CLCN5: variants seen among roughly 807,000 people sequenced by gnomAD.
CLCN5 encodes H(+)/Cl(-) exchange transporter 5.
In CLCN5, 17 loss-of-function variants were observed where a neutral mutation model predicts 54.0. The observed-to-expected ratio is 0.31, with a 90% CI of 0.22 to 0.47. The LOEUF (loss-of-function observed/expected upper bound fraction) is 0.47, where lower values mean the gene tolerates loss of function less well. Ranked by LOEUF, CLCN5 falls within the 20% of genes least tolerant of loss-of-function variation. CLCN5 has a pLI of 1.00. For missense variants in CLCN5, 448 were observed against 646.7 expected, an observed-to-expected ratio of 0.69 and a Z score of 3.33; for synonymous variants, 222 against 233.0, an observed-to-expected ratio of 0.95 and a Z score of 0.43.
At chrX:50,076,091 A>G (rs1239672322) in intron 7 of CLCN5, 109 bp downstream of exon 7, 1 of 728,665 alleles carries the variant, frequency 1.4e-6, no homozygotes, top group Non-Finnish European at 2.1e-6. Context: ...TTTCCTTTCC[A>G]CAGAAAGGGG....
At chrX:50,054,275 C>G (rs1456536839) in intron 4 of CLCN5, among the ~76,000 whole-genome samples, 2 of 111,266 alleles carry the variant, frequency 1.8e-5, no homozygotes, top group African/African-American at 3.3e-5. Flanking sequence ...TGAGTATGTT[C>G]CCCTGCTTTA....
At chrX:50,043,454 C>T (rs782344557) in intron 4 of CLCN5, among the ~76,000 whole-genome samples, 50 of 112,107 alleles carry the variant, frequency 4.5e-4, no homozygotes, top group Non-Finnish European at 9.2e-4. Flanking sequence ...GCAGTGCTGA[C>T]ATTACCATTC....
At chrX:50,065,886 A>G (rs1442128197) in intron 4 of CLCN5, among the ~76,000 whole-genome samples, 3 of 100,494 alleles carry the variant, frequency 3.0e-5, no homozygotes, top group Non-Finnish European at 6.0e-5. Flanking sequence ...ATTGGAAACC[A>G]TCATTCTCAG....
chrX:49,995,938 C>T (rs1208427608), intron 3 of CLCN5, among the ~76,000 whole-genome samples: 1 of 111,629 alleles, frequency 9.0e-6, no homozygotes, highest in Non-Finnish European at 1.9e-5. Context: ...CCTTGTTATC[C>T]ACGTGGCATA....
At chrX:50,071,310 C>CATGTTT (rs1933211683) in intron 5 of CLCN5, among the ~76,000 whole-genome samples, 1 of 112,016 alleles carries the variant, frequency 8.9e-6, no homozygotes, top group African/African-American at 3.2e-5. Flanking sequence ...TAAAGCATTT[C>CATGTTT]ATGTTTTTTC....
chrX:50,070,581 G>A (rs1933187306), intron 5 of CLCN5, among the ~76,000 whole-genome samples: 1 of 111,979 alleles, frequency 8.9e-6, no homozygotes, highest in South Asian at 3.7e-4. Context: ...GTTTACTGAA[G>A]CATACAAAGT....
chrX:50,085,845 T>C, intron 9 of CLCN5, 135 bp from the exon 10 acceptor site: 1 of 566,249 alleles, frequency 1.8e-6, no homozygotes, highest in East Asian at 3.5e-5. Context: ...TGTTTGAATT[T>C]TGTTTTTGAT....
At chrX:50,032,315 A>G (rs1276257097) in intron 3 of CLCN5, among the ~76,000 whole-genome samples, 1 of 111,513 alleles carries the variant, frequency 9.0e-6, no homozygotes, top group Non-Finnish European at 1.9e-5. Flanking sequence ...ACAATGGTTG[A>G]ACTAGTTTAC....
Position 50,092,127 on chromosome X carries a change from A to G in CLCN5, c.2361-2A>G. On this transcript the variant is annotated splice_acceptor_variant, in intron 14 of 14. Transcript: ENST00000376091. LOFTEE classifies it high-confidence loss of function. ...TTTTTTTGTATTGTGTTTGTCTTTT[A>G]GGCGATTGCTTGGAATCATTACCAA... 1 of 1,191,958 alleles carries G rather than the reference A, an allele frequency of 8.4e-7. No individual in the cohort carries two copies. The highest frequency in any genetic ancestry group is 1.7e-5 in the African/African-American group (1 of 57,528).
chrX:50,016,968 T>C (rs942597948), intron 3 of CLCN5, among the ~76,000 whole-genome samples: 2 of 111,772 alleles, frequency 1.8e-5, no homozygotes, highest in South Asian at 7.5e-4. Context: ...CCAGCTTATT[T>C]CTTTTTATCA....
chrX:50,085,616 T>C, intron 9 of CLCN5: 1 of 250,486 alleles, frequency 4.0e-6, no homozygotes, highest in Non-Finnish European at 7.2e-6. Context: ...CAAAGTTCCA[T>C]ATAAATAAAT....
chrX:50,057,180 G>C (rs1932764569), intron 4 of CLCN5, among the ~76,000 whole-genome samples: 1 of 109,924 alleles, frequency 9.1e-6, no homozygotes. Flanking sequence ...TGGATCATGG[G>C]TAAGTTCAGG....
chrX:49,938,647 A>T (rs1926140902), intron 3 of CLCN5, among the ~76,000 whole-genome samples: 2 of 112,280 alleles, frequency 1.8e-5, no homozygotes, highest in South Asian at 7.4e-4. Flanking sequence ...TTCAAGATGG[A>T]TTAAAGACTT....
chrX:49,952,587 A>G (rs1927091625), intron 3 of CLCN5, among the ~76,000 whole-genome samples: 1 of 109,921 alleles, frequency 9.1e-6, no homozygotes, highest in Non-Finnish European at 1.9e-5. Flanking sequence ...CCTGCTCTCC[A>G]GAGGACACCT....
chrX:50,014,567 C>T (rs781942908), intron 3 of CLCN5: 72 of 336,506 alleles, frequency 2.1e-4, no homozygotes, highest in Admixed American at 2.1e-3. Flanking sequence ...TTCTCTGCTT[C>T]GAGCACGGCA....
chrX:50,052,749 T>C (rs1932625812), intron 4 of CLCN5, among the ~76,000 whole-genome samples: 1 of 111,788 alleles, frequency 8.9e-6, no homozygotes, highest in Non-Finnish European at 1.9e-5. Context: ...TGCAGGTCTA[T>C]TTTACAACAC....
At chrX:49,962,821 C>T (rs782464281) in intron 3 of CLCN5, among the ~76,000 whole-genome samples, 10 of 111,990 alleles carry the variant, frequency 8.9e-5, no homozygotes, top group Non-Finnish European at 1.5e-4. Context: ...AAAGCCCCCA[C>T]ACTCTTCTTG....
At chrX:50,062,891 C>G (rs1358039561) in intron 4 of CLCN5, among the ~76,000 whole-genome samples, 1 of 107,327 alleles carries the variant, frequency 9.3e-6, no homozygotes, top group African/African-American at 3.5e-5. Flanking sequence ...AACTGAACAA[C>G]CTGCTCCTGA....
chrX:50,032,429 G>A (rs1931753840), intron 3 of CLCN5, among the ~76,000 whole-genome samples: 1 of 111,057 alleles, frequency 9.0e-6, no homozygotes, highest in Admixed American at 9.5e-5. Flanking sequence ...GTGTGAGATG[G>A]TATCTCATTG....
Sources: allele counts gnomAD v4.1 joint callset (sites outside exome capture counted in the v4.1 genomes callset), GRCh38; gene constraint gnomAD v4.1.1; transcripts MANE v1.5; gene names NCBI Gene and HGNC (gene_info 2026-07-23, HGNC 2026-07-21).